The following UGGT1 variants were observed in gnomAD, a reference collection of about 807,000 sequenced individuals.
UGGT1 encodes the protein UDP-glucose:glycoprotein glucosyltransferase 1.
Under a neutral mutation model 203.9 loss-of-function variants are expected in UGGT1, and 107 were observed. That is an observed-to-expected ratio of 0.52 (90% CI 0.45 to 0.62). The LOEUF is 0.62. Among genes scored for constraint, UGGT1 ranks in the 20% least tolerant of loss-of-function variants. The pLI is 0.00. For synonymous variants in UGGT1, 628 were observed against 653.5 expected (o/e 0.96, Z 0.59); for missense variants, 1,673 against 1,867.2 (o/e 0.90, Z 1.92).
intron 16 of UGGT1, among the ~76,000 whole-genome samples, chr2:128,140,846 T>G (rs1689385002): frequency 6.6e-6 from 1 of 151,934 alleles, no homozygotes; most frequent in South Asian, 2.1e-4. Context: ...CCCAGCTAAT[T>G]TTGTTGTTGT....
intron 2 of UGGT1, among the ~76,000 whole-genome samples, chr2:128,101,917 T>G (rs1247675936): frequency 1.3e-5 from 2 of 152,176 alleles, no homozygotes; most frequent in Non-Finnish European, 2.9e-5. Context: ...TCATTCTGGT[T>G]GTTTGTAGTT....
intron 14 of UGGT1, 84 bp from the exon 15 acceptor site, chr2:128,134,792 G>T: frequency 1.0e-5 from 13 of 1,254,622 alleles, no homozygotes; most frequent in Non-Finnish European, 1.4e-5. Flanking sequence ...TTGGCTTCAT[G>T]TACAGTGACT....
chr2:128,179,822 TC>T lies in UGGT1; in HGVS notation c.3854del (p.Pro1285LeufsTer2). The T allele has an allele frequency of 6.2e-7, 1 of 1,614,080 alleles. No homozygotes were observed. The highest frequency in any genetic ancestry group is 8.5e-7 in the Non-Finnish European group (1 of 1,179,998). ...MLSVLKNTKTPVKFWFLKNYL... is the reference protein window; with the variant it reads ...MLSVLKNTKTXVKFWFLKNYL... ...TATCCGTGCTGAAGAATACCAAGAC[TC>T]CTGTGAAATTCTGGTTCTTGAAGAA... On this transcript the variant is annotated frameshift_variant, in exon 35 of 41. Coordinates refer to ENST00000259253, the MANE Select transcript of UGGT1 (RefSeq NM_020120.4). LOFTEE classifies it high-confidence loss of function.
At chr2:128,148,332 C>T (rs1689790905) in intron 18 of UGGT1, among the ~76,000 whole-genome samples, 1 of 152,212 alleles carries the variant, frequency 6.6e-6, no homozygotes, top group Non-Finnish European at 1.5e-5. Flanking sequence ...CTCACCTCGG[C>T]CTTCCAAAGT....
At chr2:128,157,901 G>A (rs1201708219) in intron 22 of UGGT1, among the ~76,000 whole-genome samples, 1 of 152,198 alleles carries the variant, frequency 6.6e-6, no homozygotes, top group East Asian at 1.9e-4. Flanking sequence ...AGGATGAGAT[G>A]TCAAAATTCT....
At chr2:128,134,281 C>T (rs962684350) in intron 14 of UGGT1, among the ~76,000 whole-genome samples, 1 of 152,216 alleles carries the variant, frequency 6.6e-6, no homozygotes, top group African/African-American at 2.4e-5. Flanking sequence ...GGTGATCCAC[C>T]TGCCTTGGCC....
chr2:128,156,555 A>ATT (rs397792244), intron 21 of UGGT1, 140 bp downstream of exon 21: 13,252 of 400,376 alleles, frequency 0.033, 267 homozygotes, highest in East Asian at 0.085. Flanking sequence ...AATGTAGATA[A>ATT]TTTTTTTTTT....
Position 128,157,236 on chromosome 2 carries a change from T to C in UGGT1, c.2261-16T>C. Reference sequence around the variant, plus strand: ...TCTCTCCTCTGACTCAATTAGCTGTTTTTGTTTTTCTACAGATGATTCTTT... The same window carrying C: ...TCTCTCCTCTGACTCAATTAGCTGTCTTTGTTTTTCTACAGATGATTCTTT... On this transcript the variant is annotated splice_polypyrimidine_tract_variant and intron_variant, in intron 21 of 40. Transcript: ENST00000259253. 2 of 1,599,254 alleles carry C rather than the reference T, an allele frequency of 1.3e-6. No individual in the cohort carries two copies. The highest frequency in any genetic ancestry group is 1.7e-6 in the Non-Finnish European group (2 of 1,166,690).
intron 11 of UGGT1, among the ~76,000 whole-genome samples, chr2:128,126,120 TTTTAGTAGAGACGGGG>T (rs1462330738): frequency 6.6e-6 from 1 of 151,882 alleles, no homozygotes; most frequent in Non-Finnish European, 1.5e-5. Context: ...TTTTTTATAT[TTTTAGTAGAGACGGGG>T]TTTCACCATG....
At position 128,144,112 on chromosome 2, in the gene UGGT1, A is replaced by G. The variant is rs375872228; in HGVS notation, c.1851+887A>G. Among the ~76,000 whole-genome samples, 334 of 152,324 alleles carry G rather than the reference A, an allele frequency of 2.2e-3. 3 individuals are homozygous for G. Among genetic ancestry groups the G allele is most frequent in the African/African-American group, 7.5e-3 (310 of 41,570 alleles). Reference sequence around the variant, plus strand: ...ATCTTTCAAAGCCAGTAAGATAATGATATTAGGAAAAGTTCTAACCTACGT... The same window carrying G: ...ATCTTTCAAAGCCAGTAAGATAATGGTATTAGGAAAAGTTCTAACCTACGT... On this transcript the variant is annotated intron_variant, in intron 17 of 40. Coordinates refer to ENST00000259253, the MANE Select transcript of UGGT1 (RefSeq NM_020120.4).
intron 24 of UGGT1, 56 bp downstream of exon 24, chr2:128,160,647 T>C: frequency 6.4e-7 from 1 of 1,556,438 alleles, no homozygotes; most frequent in Non-Finnish European, 8.7e-7. Context: ...CTTTGCAGCA[T>C]TCTCCTCTGA....
intron 16 of UGGT1, chr2:128,139,856 G>C (rs1689321228): frequency 6.5e-6 from 1 of 154,380 alleles, no homozygotes; most frequent in South Asian, 2.0e-4. Context: ...TGGTGCTCGG[G>C]TTTTTGCTGC....
At chr2:128,129,764 C>T (rs1271108244) in intron 13 of UGGT1, among the ~76,000 whole-genome samples, 2 of 152,016 alleles carry the variant, frequency 1.3e-5, no homozygotes, top group South Asian at 2.1e-4. Flanking sequence ...TGGGAAAAAG[C>T]GTTTAGTTTG....
chr2:128,106,164 T>C (rs1423478060), intron 3 of UGGT1, among the ~76,000 whole-genome samples: 1 of 150,254 alleles, frequency 6.7e-6, no homozygotes, highest in African/African-American at 2.4e-5. Flanking sequence ...TAAACAAGCA[T>C]CTGTAGGTTT....
chr2:128,140,796 C>T (rs891998405), intron 16 of UGGT1, among the ~76,000 whole-genome samples: 1 of 152,170 alleles, frequency 6.6e-6, no homozygotes, highest in African/African-American at 2.4e-5. Context: ...CCTGCCTCAG[C>T]TTCCTGGAAT....
chr2:128,155,111 C>T (rs138822013), intron 19 of UGGT1, among the ~76,000 whole-genome samples: 1 of 152,134 alleles, frequency 6.6e-6, no homozygotes, highest in East Asian at 1.9e-4. Flanking sequence ...CCCCTGCTTC[C>T]TCTGTAGGAA....
At chr2:128,123,116 T>G in intron 10 of UGGT1, 70 bp from the exon 11 acceptor site, 1 of 1,260,122 alleles carries the variant, frequency 7.9e-7, no homozygotes, top group Non-Finnish European at 1.1e-6. Flanking sequence ...TTTCATATTT[T>G]AAAATATGGA....
chr2:128,159,345 C>T (rs955692524), intron 22 of UGGT1, among the ~76,000 whole-genome samples, 169 bp from the exon 23 acceptor site: 11 of 151,972 alleles, frequency 7.2e-5, no homozygotes, highest in Non-Finnish European at 1.2e-4. Context: ...GTGGTCCGCC[C>T]GCTTTGGCTT....
At chr2:128,111,988 T>A (rs1687878450) in intron 5 of UGGT1, among the ~76,000 whole-genome samples, 1 of 141,542 alleles carries the variant, frequency 7.1e-6, no homozygotes, top group Non-Finnish European at 1.5e-5. Context: ...ATATACAAAA[T>A]TTAGTTGGGC....
Sources: gnomAD v4.1 joint callset for allele counts (sites outside exome capture counted in the v4.1 genomes callset) on GRCh38, gnomAD v4.1.1 for gene constraint, MANE v1.5 for transcripts, NCBI Gene and HGNC (gene_info 2026-07-23, HGNC 2026-07-21) for gene names.